Variants in CCSER1 observed in about 807,000 individuals in gnomAD.
CCSER1 encodes the protein serine-rich coiled-coil domain-containing protein 1.
In CCSER1, 41 loss-of-function variants were observed where a neutral mutation model predicts 82.0. That is an observed-to-expected ratio of 0.50 (90% CI 0.39 to 0.65). The LOEUF is 0.65. CCSER1 is among the 30% of genes least tolerant of loss of function. The probability of loss-of-function intolerance (pLI) is 0.00; values close to 1 mark genes in which losing one functional copy is unlikely to be tolerated. For synonymous variants in CCSER1, 414 were observed against 383.9 expected, an observed-to-expected ratio of 1.08 and a Z score of -0.92; for missense variants, 1,119 against 1,064.2, an observed-to-expected ratio of 1.05 and a Z score of -0.72.
At chr4:91,067,697 A>AT (rs1720991236) in intron 9 of CCSER1, among the ~76,000 whole-genome samples, 1 of 152,200 alleles carries the variant, frequency 6.6e-6, no homozygotes, top group African/African-American at 2.4e-5. Context: ...GAGCAGGTAG[A>AT]TAAAAACGAA....
At chr4:90,648,168 T>C (rs1727935354) in intron 6 of CCSER1, among the ~76,000 whole-genome samples, 1 of 151,836 alleles carries the variant, frequency 6.6e-6, no homozygotes, top group South Asian at 2.1e-4. Flanking sequence ...TCACAGTTTT[T>C]TGTTCAGTTT....
At chr4:90,808,494 G>A (rs546756308) in intron 7 of CCSER1, among the ~76,000 whole-genome samples, 9 of 151,884 alleles carry the variant, frequency 5.9e-5, no homozygotes, top group South Asian at 2.1e-4. Flanking sequence ...CCTGTACATC[G>A]ACAAAGAACT....
At chr4:90,215,145 G>C (rs1349679446) in intron 1 of CCSER1, among the ~76,000 whole-genome samples, 5 of 152,142 alleles carry the variant, frequency 3.3e-5, no homozygotes, top group African/African-American at 1.2e-4. Flanking sequence ...AAAATGATTA[G>C]GTAGGAGCTA....
intron 10 of CCSER1, among the ~76,000 whole-genome samples, chr4:91,465,277 G>A (rs926330169): frequency 6.6e-6 from 1 of 152,136 alleles, no homozygotes; most frequent in Non-Finnish European, 1.5e-5. Flanking sequence ...ACGAAATGAA[G>A]TCAGAAATAA....
intron 9 of CCSER1, among the ~76,000 whole-genome samples, chr4:91,055,744 C>T (rs980921333): frequency 6.8e-6 from 1 of 146,856 alleles, no homozygotes; most frequent in Non-Finnish European, 1.5e-5. Context: ...TCCCCTCTGC[C>T]CCTCTCCCCC....
At chr4:90,230,106 C>G (rs1455276210) in intron 1 of CCSER1, among the ~76,000 whole-genome samples, 1 of 152,178 alleles carries the variant, frequency 6.6e-6, no homozygotes, top group Non-Finnish European at 1.5e-5. Flanking sequence ...GGACTCAGCT[C>G]TGCACCAAGC....
chr4:91,354,650 A>G (rs1748700442), intron 10 of CCSER1, among the ~76,000 whole-genome samples: 1 of 152,218 alleles, frequency 6.6e-6, no homozygotes, highest in African/African-American at 2.4e-5. Context: ...AATACTGTCC[A>G]ATAATTGAGA....
chr4:91,314,852 T>G (rs185768770), intron 10 of CCSER1, among the ~76,000 whole-genome samples: 2 of 152,064 alleles, frequency 1.3e-5, no homozygotes, highest in East Asian at 3.9e-4. Flanking sequence ...TAGTTAAGAT[T>G]CCCTCAGAAG....
At chr4:91,095,338 G>C (rs1436661865) in intron 10 of CCSER1, among the ~76,000 whole-genome samples, 1 of 152,164 alleles carries the variant, frequency 6.6e-6, no homozygotes, top group Admixed American at 6.5e-5. Context: ...CACTGCACAT[G>C]TGAGTGATTG....
chr4:91,379,536 GCA>G (rs1750706501), intron 10 of CCSER1, among the ~76,000 whole-genome samples: 1 of 152,170 alleles, frequency 6.6e-6, no homozygotes, highest in African/African-American at 2.4e-5. Context: ...TAGTTTATTT[GCA>G]TAGAGGTGTT....
At chr4:91,570,505 A>C (rs1763123508) in intron 10 of CCSER1, among the ~76,000 whole-genome samples, 1 of 152,224 alleles carries the variant, frequency 6.6e-6, no homozygotes, top group African/African-American at 2.4e-5. Context: ...CCCAAACCTC[A>C]GTTCTTGACT....
intron 9 of CCSER1, among the ~76,000 whole-genome samples, chr4:90,970,438 G>A (rs563871784): frequency 1.3e-5 from 2 of 151,870 alleles, no homozygotes; most frequent in African/African-American, 2.4e-5. Flanking sequence ...CTAACATACA[G>A]CACCCAAATA....
intron 10 of CCSER1, among the ~76,000 whole-genome samples, chr4:91,205,321 G>A (rs146751590): frequency 3.2e-4 from 49 of 151,842 alleles, no homozygotes; most frequent in East Asian, 1.9e-3. Flanking sequence ...GACGAAATAC[G>A]TGACCTCAAT....
chr4:90,561,500 C>T (rs939416858), intron 5 of CCSER1, among the ~76,000 whole-genome samples: 2 of 152,182 alleles, frequency 1.3e-5, no homozygotes, highest in Admixed American at 1.3e-4. Context: ...TTAAAGCATG[C>T]TGTTCCAATA....
chr4:90,424,965 A>C (rs116391668), intron 4 of CCSER1, among the ~76,000 whole-genome samples: 2,693 of 152,216 alleles, frequency 0.018, 34 homozygotes, highest in African/African-American at 0.038. Flanking sequence ...ACCTGTTCTT[A>C]ATTCTCACAT....
chr4:91,059,017 C>T (rs781242180), intron 9 of CCSER1, among the ~76,000 whole-genome samples: 17 of 151,814 alleles, frequency 1.1e-4, no homozygotes, highest in Admixed American at 2.0e-4. Flanking sequence ...CTATTTCCCA[C>T]GCAAAAATAA....
chr4:90,949,178 T>C lies in CCSER1; in HGVS notation c.2172+25731T>C, dbSNP rs1315450812. Among the ~76,000 whole-genome samples the C allele has an allele frequency of 4.6e-5, 7 of 152,206 alleles. No individual in the cohort carries two copies. The East Asian group carries it at 9.6e-4, about 21-fold the overall frequency. On this transcript the variant is annotated intron_variant, in intron 9 of 10. Transcript: ENST00000509176. ...GCTTTTTGATATGTTCTGTTTACTC[T>C]TCTGCTTCCTTTTATTAATTTTTGT...
chr4:91,027,365 G>T (rs1199084586), intron 9 of CCSER1, among the ~76,000 whole-genome samples: 1 of 129,448 alleles, frequency 7.7e-6, no homozygotes, highest in African/African-American at 2.5e-5. Flanking sequence ...TAGTTAATTG[G>T]GTTTTTTTTT....
At chr4:90,322,722 T>C (rs183608199) in intron 3 of CCSER1, among the ~76,000 whole-genome samples, 115 of 152,324 alleles carry the variant, frequency 7.5e-4, no homozygotes, top group African/African-American at 2.5e-3. Flanking sequence ...CTGTTGTAAA[T>C]GGTAATGCTT....
Sources: gnomAD v4.1 joint callset for allele counts (sites outside exome capture counted in the v4.1 genomes callset) on GRCh38, gnomAD v4.1.1 for gene constraint, MANE v1.5 for transcripts, NCBI Gene and HGNC (gene_info 2026-07-23, HGNC 2026-07-21) for gene names.